RBFOX1: variants seen among roughly 807,000 people sequenced by gnomAD.
RBFOX1 encodes the protein RNA binding fox-1 homolog 1, also known as RNA binding protein fox-1 homolog 1.
Under a neutral mutation model 57.7 loss-of-function variants are expected in RBFOX1, and 8 were observed. The observed-to-expected ratio is 0.14, with a 90% CI of 0.08 to 0.25. The LOEUF (loss-of-function observed/expected upper bound fraction) is 0.25. Ranked by LOEUF, RBFOX1 falls within the 10% of genes least tolerant of loss-of-function variation. The pLI, the probability that RBFOX1 is intolerant of heterozygous loss-of-function variation, is 1.00. For synonymous variants in RBFOX1, 326 were observed against 222.4 expected (o/e 1.47, Z -4.15); for missense variants, 611 against 548.5 (o/e 1.11, Z -1.14).
intron 1 of RBFOX1, among the ~76,000 whole-genome samples, chr16:6,098,014 C>T (rs931496045): frequency 5.9e-5 from 9 of 152,096 alleles, no homozygotes; most frequent in South Asian, 2.1e-4. Flanking sequence ...CAAGCTCCCA[C>T]GGATGCTGGT....
At chr16:6,267,633 C>G (rs1287620638) in intron 1 of RBFOX1, among the ~76,000 whole-genome samples, 1 of 152,182 alleles carries the variant, frequency 6.6e-6, no homozygotes, top group Non-Finnish European at 1.5e-5. Flanking sequence ...AAACCCTGAA[C>G]ATCAACAAGC....
intron 4 of RBFOX1, among the ~76,000 whole-genome samples, chr16:7,074,981 C>G (rs775193051): frequency 6.6e-6 from 1 of 151,826 alleles, no homozygotes; most frequent in Non-Finnish European, 1.5e-5. Flanking sequence ...AGAGTAGAAT[C>G]AAAGGGAAGT....
At chr16:7,614,431 C>T (rs2058087616) in intron 10 of RBFOX1, 1 of 146,850 alleles carries the variant, frequency 6.8e-6, no homozygotes, top group Non-Finnish European at 1.5e-5. Context: ...CTTCTAGATC[C>T]CACAGAGGGA....
At chr16:7,543,575 C>A (rs1283686445) in intron 5 of RBFOX1, among the ~76,000 whole-genome samples, 2 of 151,790 alleles carry the variant, frequency 1.3e-5, no homozygotes, top group African/African-American at 4.8e-5. Context: ...CTGATTGAAT[C>A]CAGTCTTAGG....
intron 1 of RBFOX1, among the ~76,000 whole-genome samples, chr16:6,204,755 G>C (rs569295427): frequency 6.6e-6 from 1 of 152,264 alleles, no homozygotes; most frequent in South Asian, 2.1e-4. Context: ...TTTTAATTGA[G>C]TTGGATGACC....
chr16:5,649,539 T>G (rs1029912783), intron 3 of RBFOX1, among the ~76,000 whole-genome samples: 2 of 152,204 alleles, frequency 1.3e-5, no homozygotes, highest in African/African-American at 4.8e-5. Flanking sequence ...CTCCTAATAT[T>G]TTTAATAAAA....
At chr16:7,085,480 G>C (rs2059850174) in intron 4 of RBFOX1, among the ~76,000 whole-genome samples, 1 of 152,142 alleles carries the variant, frequency 6.6e-6, no homozygotes, top group Non-Finnish European at 1.5e-5. Context: ...CAGGGTATTT[G>C]CTGGCATGGA....
At chr16:6,860,226 G>C (rs569636318) in intron 3 of RBFOX1, among the ~76,000 whole-genome samples, 1 of 152,100 alleles carries the variant, frequency 6.6e-6, no homozygotes, top group African/African-American at 2.4e-5. Flanking sequence ...TTGAATGCCC[G>C]TTATGTTCCA....
chr16:5,333,568 C>T (rs1047814385), intron 1 of RBFOX1, among the ~76,000 whole-genome samples: 2 of 152,208 alleles, frequency 1.3e-5, no homozygotes, highest in African/African-American at 4.8e-5. Context: ...AGAAGTTCTA[C>T]AGGGCCCGAG....
In RBFOX1 at chr16:5,428,122, C is replaced by CTGTGTG. The variant is rs3084227; in HGVS notation, c.220-39074_220-39069dup. On this transcript the variant is annotated intron_variant, in intron 1 of 2. Transcript: ENST00000585867. The stretch of plus-strand genomic sequence containing the variant: ...TCTGGAAGGGTGTGTGTGTGTGTGT[C>CTGTGTG]TGTGTGTGTGTGTGTGTGTGTGTGT... 5.6e-5 allele frequency among the ~76,000 whole-genome samples: 8 copies of CTGTGTG among 141,844 alleles called. No homozygotes were observed. The South Asian group carries it at 6.6e-4, about 12-fold the overall frequency. The allele number at this position is 141,844 out of a possible 152,430, so 93.1% of individuals were successfully genotyped here.
chr16:5,862,447 C>T (rs1164739169), intron 3 of RBFOX1, among the ~76,000 whole-genome samples: 6 of 152,070 alleles, frequency 3.9e-5, no homozygotes, highest in Admixed American at 3.3e-4. Flanking sequence ...CACAGCCATC[C>T]CTACTGTAAA....
intron 3 of RBFOX1, among the ~76,000 whole-genome samples, chr16:7,032,930 T>A (rs1053583074): frequency 4.6e-5 from 7 of 152,202 alleles, no homozygotes. Context: ...TTTTCCTGGC[T>A]GGTGGGAGAA....
chr16:7,394,939 G>A (rs985550608), intron 4 of RBFOX1, among the ~76,000 whole-genome samples: 1 of 152,134 alleles, frequency 6.6e-6, no homozygotes, highest in African/African-American at 2.4e-5. Flanking sequence ...TGTTATGCAC[G>A]CATGTGAGAA....
chr16:6,520,575 GA>G (rs372166056), intron 2 of RBFOX1, among the ~76,000 whole-genome samples: 4 of 151,942 alleles, frequency 2.6e-5, no homozygotes, highest in Non-Finnish European at 5.9e-5. Context: ...TCTAACTTGT[GA>G]AAAAAAATAA....
chr16:6,719,825 G>C (rs2065606369), intron 3 of RBFOX1, among the ~76,000 whole-genome samples: 1 of 152,034 alleles, frequency 6.6e-6, no homozygotes. Context: ...GGGCATGGCT[G>C]CTCACACCTG....
chr16:7,705,257 A>C (rs1318321009), intron 14 of RBFOX1, among the ~76,000 whole-genome samples: 1 of 152,164 alleles, frequency 6.6e-6, no homozygotes, highest in African/African-American at 2.4e-5. Context: ...GTGTAATCCC[A>C]GCACTTTGGG....
chr16:6,035,577 G>T (rs2095355139), intron 1 of RBFOX1, among the ~76,000 whole-genome samples: 1 of 152,072 alleles, frequency 6.6e-6, no homozygotes, highest in African/African-American at 2.4e-5. Context: ...TTCTATTCCT[G>T]CATTTTCCTT....
intron 3 of RBFOX1, among the ~76,000 whole-genome samples, chr16:6,898,698 A>T (rs1046986721): frequency 2.0e-5 from 3 of 152,078 alleles, no homozygotes; most frequent in African/African-American, 7.2e-5. Flanking sequence ...ATACGTGTGT[A>T]TGTGTCTATA....
chr16:6,076,460 C>T (rs980131065), intron 1 of RBFOX1, among the ~76,000 whole-genome samples: 2 of 152,052 alleles, frequency 1.3e-5, no homozygotes, highest in Non-Finnish European at 2.9e-5. Context: ...GCTTTTGCAT[C>T]AGCCTTGCCT....
Sources: allele counts gnomAD v4.1 joint callset (sites outside exome capture counted in the v4.1 genomes callset), GRCh38; gene constraint gnomAD v4.1.1; transcripts MANE v1.5; gene names NCBI Gene and HGNC (gene_info 2026-07-23, HGNC 2026-07-21).